STRA6: variants seen among roughly 807,000 people sequenced by gnomAD.
STRA6 encodes the protein receptor for retinol uptake STRA6.
STRA6 carries 48 observed loss-of-function variants against 83.6 expected under a neutral mutation model. The observed-to-expected ratio is 0.57, with a 90% CI of 0.46 to 0.73. The LOEUF (loss-of-function observed/expected upper bound fraction) is 0.73. Ranked by LOEUF, STRA6 falls within the 30% of genes least tolerant of loss-of-function variation. STRA6 has a pLI of 0.00. For missense variants in STRA6, 760 were observed against 838.8 expected (o/e 0.91, Z 1.16); for synonymous variants, 353 against 362.3 (o/e 0.97, Z 0.29).
chr15:74,184,795 G>T (rs1324223038), intron 13 of STRA6, among the ~76,000 whole-genome samples, 185 bp downstream of exon 13: 2 of 152,314 alleles, frequency 1.3e-5, no homozygotes, highest in Admixed American at 1.3e-4. Flanking sequence ...CAGACAGGAA[G>T]GCCCAAGGGC....
chr15:74,194,986 T>TG, intron 7 of STRA6: 1 of 1,433,014 alleles, frequency 7.0e-7, no homozygotes. Context: ...AAAGGGAAGC[T>TG]GGGGGATCAC....
At chr15:74,190,289 C>T (rs1307531863) in intron 11 of STRA6, among the ~76,000 whole-genome samples, 6 of 152,204 alleles carry the variant, frequency 3.9e-5, no homozygotes, top group Admixed American at 2.6e-4. Context: ...ACTTAGGCTA[C>T]GCTGAGATAT....
rs143818589 is a variant in STRA6, at chr15:74,193,909, T to C, written c.611A>G (p.Tyr204Cys). The change falls in exon 8 of 19, where the codon TAC (tyrosine) becomes TGC (cysteine). Residue 204 changes from tyrosine (Y) to cysteine (C), a missense_variant. Tyr to Cys is a radical substitution (Grantham distance 194, BLOSUM62 -2). Coordinates refer to ENST00000395105, the MANE Select transcript of STRA6 (RefSeq NM_022369.4). Reference sequence around the variant, plus strand: ...GAGAGGCAGGGAGGCCAGCAGGGAGTAGTACTTGTAGATCTGGACAGACAA... The same window carrying C: ...GAGAGGCAGGGAGGCCAGCAGGGAGCAGTACTTGTAGATCTGGACAGACAA... ...CPQVPKIYKY[Y>C]SLLASLPLLL... 9 of 1,612,632 alleles carry C rather than the reference T, an allele frequency of 5.6e-6. No homozygotes were observed. The highest frequency in any genetic ancestry group is 7.6e-6 in the Non-Finnish European group (9 of 1,179,430).
rs2073516492 is a variant in STRA6 at position 74,191,187 on chromosome 15, C to T, written c.845G>A (p.Cys282Tyr). Residue 282 changes from cysteine to tyrosine, a missense_variant, in exon 10 of 19, where the codon TGC becomes TAC. Cys to Tyr is a radical substitution (Grantham distance 194, BLOSUM62 -2). Transcript: ENST00000395105. Reference sequence around the variant, plus strand: ...CATACCTGGCTGTGGAGTGTAGATGCAGTGTCTCAAGCAGACGCGGGCCCA... The same window carrying T: ...CATACCTGGCTGTGGAGTGTAGATGTAGTGTCTCAAGCAGACGCGGGCCCA... The part of the protein sequence containing the change: ...LSWARVCLRH[C>Y]IYTPQPGFHL... The T allele has an allele frequency of 6.2e-7, 1 of 1,613,308 alleles. No homozygotes were observed. The highest frequency in any genetic ancestry group is 8.5e-7 in the Non-Finnish European group (1 of 1,179,808).
Position 74,197,384 on chromosome 15 carries a change from G to A in STRA6, c.220C>T (p.Arg74Cys), listed in dbSNP as rs759055051. 1.4e-5 allele frequency: 22 copies of A among 1,550,484 alleles called. No homozygotes were observed. Among genetic ancestry groups the A allele is most frequent in the Admixed American group, 1.4e-4 (7 of 50,988 alleles). The part of the protein sequence containing the change: ...LLLLAMLVRR[R>C]QLWPDCVRGR... ...CGCACACAGTCAGGCCAGAGCTGGC[G>A]GCGCCTCACCAGCATGGCCAGGAGC... is the stretch of plus-strand genomic sequence containing the variant. Residue 74 changes from arginine (R) to cysteine (C), a missense_variant, in exon 4 of 19, where the codon CGC (arginine) becomes TGC (cysteine). Arg to Cys is a radical substitution (Grantham distance 180). Coordinates refer to ENST00000395105, the MANE Select transcript of STRA6 (RefSeq NM_022369.4).
At chr15:74,180,721 A>C in intron 18 of STRA6, 61 bp downstream of exon 18, 3 of 1,550,598 alleles carry the variant, frequency 1.9e-6, no homozygotes, top group Non-Finnish European at 2.6e-6. Context: ...GGAGGGGCAC[A>C]CATCCTTCCT....
chr15:74,191,830 C>T, intron 8 of STRA6: 1 of 424,370 alleles, frequency 2.4e-6, no homozygotes, highest in Non-Finnish European at 4.4e-6. Context: ...CCTCTGCTAG[C>T]TGAAACTGGG....
chr15:74,204,966 C>G (rs764277912), upstream of STRA6, among the ~76,000 whole-genome samples: 2 of 151,592 alleles, frequency 1.3e-5, no homozygotes, highest in Non-Finnish European at 2.9e-5. Context: ...GAAAAGAAAC[C>G]ATCCTCTTCC....
Position 74,181,292 on chromosome 15 carries a change from T to C in STRA6, c.1684+3A>G. 6.2e-7 allele frequency: 1 copy of C among 1,612,304 alleles called. No homozygotes were observed. Among genetic ancestry groups the C allele is most frequent in the Non-Finnish European group, 8.5e-7 (1 of 1,179,682 alleles). ...ATCCTCCAGCCCCGCCCAGTGACCT[T>C]ACCGGGGTCGAGAGTGGCGGCTCTC... On this transcript the variant is annotated splice_donor_region_variant and intron_variant, in intron 17 of 18. Transcript: ENST00000395105.
In STRA6 at chr15:74,183,975, G is replaced by A; in HGVS notation, c.1181C>T (p.Ala394Val). 1.9e-6 allele frequency: 3 copies of A among 1,613,436 alleles called. No individual in the cohort carries two copies. Among genetic ancestry groups the A allele is most frequent in the Non-Finnish European group, 2.5e-6 (3 of 1,180,022 alleles). The part of the protein sequence containing the change: ...SLVTHRTNLR[A>V]LHRGAALDLS... ...GTCCAGGGCAGCTCCTCGGTGCAGA[G>A]CTCGAAGGTTGGTCCTGGGGTGGGA... Residue 394 changes from alanine (A) to valine (V), a missense_variant, in exon 14 of 19, where the codon GCT becomes GTT. Ala to Val is a moderately conservative substitution (Grantham distance 64). Coordinates refer to ENST00000395105, the MANE Select transcript of STRA6 (RefSeq NM_022369.4).
Position 74,182,323 on chromosome 15 carries a change from C to T in STRA6, c.1418+20G>A. 6.2e-7 allele frequency: 1 copy of T among 1,613,978 alleles called. No individual in the cohort carries two copies. Among genetic ancestry groups the T allele is most frequent in the Non-Finnish European group, 8.5e-7 (1 of 1,179,900 alleles). ...GACCTCTAAGGAGTCCCTGAGCCCT[C>T]CATGTCTTGTTTCACTCACCACGAG... On this transcript the variant is annotated intron_variant, in intron 15 of 18. Coordinates refer to ENST00000395105, the MANE Select transcript of STRA6 (RefSeq NM_022369.4).
chr15:74,202,235 G>A lies in STRA6; in HGVS notation c.33C>T (p.Ser11=). ...AGGAGTAGTCCTCTGTGGCCCCGGG[G>A]GAGGTCTGGTTCCCTGCTGGCTGGG... MSSQPAGNQT[S]PGATEDYSYG... Residue 11 remains serine, a synonymous_variant, in exon 2 of 19, where the codon TCC becomes TCT. Transcript: ENST00000395105. 1.3e-6 allele frequency: 2 copies of A among 1,539,104 alleles called. No homozygotes were observed. The highest frequency in any genetic ancestry group is 1.7e-6 in the Non-Finnish European group (2 of 1,148,658).
At chr15:74,189,007 A>G in intron 12 of STRA6, 108 bp downstream of exon 12, 1 of 1,335,544 alleles carries the variant, frequency 7.5e-7, no homozygotes, top group South Asian at 1.3e-5. Flanking sequence ...AGAGGAAGGA[A>G]TGTGTCCAAG....
At chr15:74,184,935 T>C in intron 13 of STRA6, 45 bp downstream of exon 13, 1 of 1,596,802 alleles carries the variant, frequency 6.3e-7, no homozygotes, top group African/African-American at 1.3e-5. Context: ...GGACTCCCAC[T>C]CCTTCCCCAC....
At position 74,207,897 on chromosome 15, in the gene STRA6, C is replaced by T. The variant is rs10152959; in HGVS notation, c.-16+903G>A. On this transcript the variant is annotated intron_variant, in intron 1 of 18. Coordinates refer to the STRA6 transcript ENST00000323940. Reference sequence around the variant, plus strand: ...ACAGTGGGCTGGAAGGCAGTGTCGTCGGCTGCCGTGCTCACGGCAGGAAGA... The same window carrying T: ...ACAGTGGGCTGGAAGGCAGTGTCGTTGGCTGCCGTGCTCACGGCAGGAAGA... 0.25 allele frequency: 365,058 copies of T among 1,489,078 alleles called. 45,878 individuals are homozygous for T. Among genetic ancestry groups the T allele is most frequent in the East Asian group, 0.3 (12,198 of 40,144 alleles). 92.2% of individuals were successfully genotyped at this position (1,489,078 alleles called of 1,614,324 possible).
chr15:74,190,230 G>A (rs1442424023), intron 11 of STRA6, among the ~76,000 whole-genome samples: 1 of 152,176 alleles, frequency 6.6e-6, no homozygotes, highest in Non-Finnish European at 1.5e-5. Flanking sequence ...TTTCTATGTT[G>A]TGAAAGTAAA....
chr15:74,184,693 A>C (rs1381746230), intron 13 of STRA6, among the ~76,000 whole-genome samples: 1 of 151,886 alleles, frequency 6.6e-6, no homozygotes, highest in South Asian at 2.1e-4. Flanking sequence ...CATCCAGCCC[A>C]CCCGGTGGCC....
At position 74,188,773 on chromosome 15, in the gene STRA6, C is replaced by T. The variant is rs571164888; in HGVS notation, c.1090+342G>A. ...CTCAGAAATCCTCACCATCTCCCTT[C>T]GCCGTCTCTTCCCTCCTTCCCCACC... On this transcript the variant is annotated intron_variant, in intron 12 of 18. Coordinates refer to ENST00000395105, the MANE Select transcript of STRA6 (RefSeq NM_022369.4). This position sits in a 1 kb window ranked among gnomAD's most constrained non-coding sequence, Gnocchi z 4.5. Among the ~76,000 whole-genome samples the T allele has an allele frequency of 2.0e-5, 3 of 152,230 alleles. No individual in the cohort carries two copies. The highest frequency in any genetic ancestry group is 4.4e-5 in the Non-Finnish European group (3 of 68,044).
chr15:74,204,479 C>T (rs2074210850), upstream of STRA6, among the ~76,000 whole-genome samples: 1 of 152,236 alleles, frequency 6.6e-6, no homozygotes, highest in Non-Finnish European at 1.5e-5. Context: ...GCCAGCAAGC[C>T]CTTCCCTGCT....
Sources: gnomAD v4.1 joint callset for allele counts (sites outside exome capture counted in the v4.1 genomes callset) on GRCh38, gnomAD v4.1.1 for gene constraint, Gnocchi (gnomAD v3.1) non-coding constraint, MANE v1.5 for transcripts, NCBI Gene and HGNC (gene_info 2026-07-23, HGNC 2026-07-21) for gene names.